ZFHX3: variants seen among roughly 807,000 people sequenced by gnomAD.
ZFHX3 encodes zinc finger homeobox 3.
ZFHX3 carries 42 observed loss-of-function variants against 279.1 expected under a neutral mutation model. The ratio of observed to expected loss-of-function variants is 0.15; its 90% CI spans 0.12 to 0.19. ZFHX3 has a LOEUF of 0.19. ZFHX3 is among the 10% of genes least tolerant of loss of function. The probability of loss-of-function intolerance (pLI) is 1.00; values close to 1 mark genes in which losing one functional copy is unlikely to be tolerated. For synonymous variants in ZFHX3, 2,293 were observed against 1,957.8 expected (o/e 1.17, Z -4.52); for missense variants, 4,981 against 4,754.0 (o/e 1.05, Z -1.40).
chr16:73,474,119 T>A (rs1358936970), intron 2 of ZFHX3, among the ~76,000 whole-genome samples: 1 of 151,276 alleles, frequency 6.6e-6, no homozygotes, highest in African/African-American at 2.4e-5. Flanking sequence ...GGGTCTGGAT[T>A]CTCGCTCTTT....
intron 3 of ZFHX3, among the ~76,000 whole-genome samples, chr16:73,412,961 T>C (rs1054488047): frequency 2.0e-5 from 3 of 152,316 alleles, no homozygotes; most frequent in East Asian, 1.9e-4. Context: ...AGCGATCAAC[T>C]CACCAACTAT....
At chr16:73,608,645 C>T (rs994914013) in intron 2 of ZFHX3, 5 of 151,978 alleles carry the variant, frequency 3.3e-5, no homozygotes, top group Non-Finnish European at 7.4e-5. Context: ...CGTGTCTTTT[C>T]CTCTATTTGA....
chr16:73,759,299 C>G (rs2053840274), intron 1 of ZFHX3, among the ~76,000 whole-genome samples: 1 of 152,144 alleles, frequency 6.6e-6, no homozygotes, highest in African/African-American at 2.4e-5. Context: ...CTACCTGCAC[C>G]ATCACATTCT....
At chr16:73,224,672 A>T (rs2012536432) in intron 5 of ZFHX3, among the ~76,000 whole-genome samples, 1 of 152,252 alleles carries the variant, frequency 6.6e-6, no homozygotes, top group Admixed American at 6.5e-5. Context: ...AGCCATGTAG[A>T]ATTGTTTGCT....
At chr16:73,146,342 C>G (rs777418343) in intron 5 of ZFHX3, among the ~76,000 whole-genome samples, 1 of 151,932 alleles carries the variant, frequency 6.6e-6, no homozygotes, top group Non-Finnish European at 1.5e-5. Context: ...GCAGGAAAAT[C>G]GCTTCAACCC....
intron 1 of ZFHX3, among the ~76,000 whole-genome samples, chr16:73,757,530 T>A (rs1297415095): frequency 1.3e-5 from 2 of 152,214 alleles, no homozygotes; most frequent in East Asian, 1.9e-4. Flanking sequence ...TGTTTTTTTT[T>A]AATTCAGTAA....
chr16:73,124,817 C>G (rs1033992701), intron 7 of ZFHX3, among the ~76,000 whole-genome samples: 1 of 152,126 alleles, frequency 6.6e-6, no homozygotes, highest in Non-Finnish European at 1.5e-5. Flanking sequence ...CAGGTGGGGT[C>G]AAGAGGGTTG....
At chr16:73,389,667 T>C (rs891914294) in intron 3 of ZFHX3, among the ~76,000 whole-genome samples, 2 of 152,222 alleles carry the variant, frequency 1.3e-5, no homozygotes, top group African/African-American at 4.8e-5. Context: ...TATTGGAAAG[T>C]TCTTTTTTAT....
chr16:73,024,882 A>T (rs1204765589), intron 1 of ZFHX3, among the ~76,000 whole-genome samples: 1 of 152,188 alleles, frequency 6.6e-6, no homozygotes, highest in Non-Finnish European at 1.5e-5. Flanking sequence ...CATGTCCCCC[A>T]GAAGGTGGGC....
At chr16:73,178,879 C>G (rs1468568452) in intron 5 of ZFHX3, among the ~76,000 whole-genome samples, 2 of 152,152 alleles carry the variant, frequency 1.3e-5, no homozygotes, top group African/African-American at 4.8e-5. Flanking sequence ...ATCCATCCAT[C>G]CATGCACCTA....
chr16:73,432,949 A>G (rs2017934545), intron 3 of ZFHX3, among the ~76,000 whole-genome samples: 1 of 152,224 alleles, frequency 6.6e-6, no homozygotes, highest in South Asian at 2.1e-4. Context: ...CAACTAGATC[A>G]TATTGAGATA....
intron 5 of ZFHX3, among the ~76,000 whole-genome samples, chr16:73,209,907 G>C (rs1470383362): frequency 6.6e-6 from 1 of 152,168 alleles, no homozygotes; most frequent in Non-Finnish European, 1.5e-5. Flanking sequence ...GCCAATCAAT[G>C]TTCATGACTT....
At chr16:73,865,713 C>T (rs1030963331) in intron 1 of ZFHX3, among the ~76,000 whole-genome samples, 6 of 152,106 alleles carry the variant, frequency 3.9e-5, no homozygotes, top group Non-Finnish European at 5.9e-5. Context: ...GGCACAGTGG[C>T]TCACACCTGT....
chr16:73,059,540 C>CTT (rs1375213308), exon 1 of ZFHX3: 2 of 148,196 alleles, frequency 1.3e-5, no homozygotes, highest in African/African-American at 2.5e-5. Context: ...CTCTCTCTCT[C>CTT]TCTCTCTCTC....
chr16:73,749,341 G>GCAC (rs922785586), intron 1 of ZFHX3, among the ~76,000 whole-genome samples: 7 of 147,672 alleles, frequency 4.7e-5, no homozygotes, highest in Non-Finnish European at 8.9e-5. Flanking sequence ...ACCAGCAACA[G>GCAC]CACCACCACC....
At chr16:72,857,434 C>A (rs1186155353) in intron 4 of ZFHX3, among the ~76,000 whole-genome samples, 1 of 152,186 alleles carries the variant, frequency 6.6e-6, no homozygotes, top group Non-Finnish European at 1.5e-5. Flanking sequence ...TGCCTATAAT[C>A]CCAGCCCTTT....
intron 5 of ZFHX3, among the ~76,000 whole-genome samples, chr16:73,181,510 A>T (rs1328380527): frequency 6.6e-6 from 1 of 152,118 alleles, no homozygotes; most frequent in Non-Finnish European, 1.5e-5. Flanking sequence ...ATGTCTCATG[A>T]ATGGGGGAAA....
At chr16:73,549,775 T>G (rs548604718) in intron 2 of ZFHX3, among the ~76,000 whole-genome samples, 1 of 152,222 alleles carries the variant, frequency 6.6e-6, no homozygotes, top group Non-Finnish European at 1.5e-5. Context: ...GCAGAAAATA[T>G]TCACCACAAC....
intron 1 of ZFHX3, among the ~76,000 whole-genome samples, chr16:73,040,133 G>C (rs1965058486): frequency 6.6e-6 from 1 of 152,182 alleles, no homozygotes; most frequent in South Asian, 2.1e-4. Context: ...CTAACAGAGA[G>C]TCTGAACTGG....
Sources: allele counts gnomAD v4.1 joint callset (sites outside exome capture counted in the v4.1 genomes callset), GRCh38; gene constraint gnomAD v4.1.1; transcripts MANE v1.5; gene names NCBI Gene and HGNC (gene_info 2026-07-23, HGNC 2026-07-21).